Variants in EXOC6B observed in about 807,000 individuals in gnomAD.
EXOC6B encodes exocyst complex component 6B, also known as SEC15 homolog B.
EXOC6B carries 54 observed loss-of-function variants against 113.5 expected under a neutral mutation model. The ratio of observed to expected loss-of-function variants is 0.48; its 90% CI spans 0.38 to 0.60. The LOEUF is 0.60. Ranked by LOEUF, EXOC6B falls within the 20% of genes least tolerant of loss-of-function variation. The probability of loss-of-function intolerance (pLI) is 0.00; values close to 1 mark genes in which losing one functional copy is unlikely to be tolerated. For missense variants in EXOC6B, 797 were observed against 977.5 expected, an observed-to-expected ratio of 0.82 and a Z score of 2.46; for synonymous variants, 357 against 339.0, an observed-to-expected ratio of 1.05 and a Z score of -0.58.
intron 8 of EXOC6B, among the ~76,000 whole-genome samples, chr2:72,528,989 C>A (rs1229967693): frequency 1.3e-5 from 2 of 152,060 alleles, no homozygotes; most frequent in Admixed American, 6.6e-5. Flanking sequence ...AGGTTATTTG[C>A]AAATAACACA....
chr2:72,369,845 T>G (rs963039058), intron 19 of EXOC6B, among the ~76,000 whole-genome samples: 1 of 152,188 alleles, frequency 6.6e-6, no homozygotes, highest in African/African-American at 2.4e-5. Context: ...TCCTTACACC[T>G]TATACAAAAA....
intron 18 of EXOC6B, among the ~76,000 whole-genome samples, chr2:72,383,255 T>G (rs1691801428): frequency 6.6e-6 from 1 of 152,008 alleles, no homozygotes; most frequent in South Asian, 2.1e-4. Flanking sequence ...CTGGCAAAGG[T>G]CTGATGTCCA....
At chr2:72,491,122 C>T (rs770457828) in intron 16 of EXOC6B, among the ~76,000 whole-genome samples, 24 of 152,238 alleles carry the variant, frequency 1.6e-4, no homozygotes, top group Non-Finnish European at 2.9e-4. Flanking sequence ...AGGAGGTTAG[C>T]TATTTTTCAG....
intron 6 of EXOC6B, among the ~76,000 whole-genome samples, chr2:72,653,848 A>C (rs373963985): frequency 2.0e-5 from 3 of 152,174 alleles, no homozygotes; most frequent in East Asian, 1.9e-4. Context: ...GCAATGCTAC[A>C]AATGAATCTA....
rs80041689 is a variant in EXOC6B at position 72,559,178 on chromosome 2, A to G, written c.915+275T>C. On this transcript the variant is annotated intron_variant, in intron 8 of 21. Transcript: ENST00000272427. ...AAGACAGAATATTGTTATTTAAATA[A>G]CTACATTATTAAACTAAAAACAGAA... is the stretch of plus-strand genomic sequence containing the variant. Among the ~76,000 whole-genome samples, 716 of 152,318 alleles carry G rather than the reference A, an allele frequency of 4.7e-3. 4 individuals carry two copies. Among genetic ancestry groups the G allele is most frequent in the African/African-American group, 0.016 (658 of 41,562 alleles).
chr2:72,317,614 G>A (rs1687600009), intron 20 of EXOC6B, among the ~76,000 whole-genome samples: 1 of 149,902 alleles, frequency 6.7e-6, no homozygotes, highest in African/African-American at 2.5e-5. Context: ...ATTGACAAAT[G>A]ATAAGAATGA....
rs1320122078 is a variant in EXOC6B, at chr2:72,401,606, T to C, written c.1981-21736A>G. On this transcript the variant is annotated intron_variant, in intron 18 of 21. Coordinates refer to ENST00000272427, the MANE Select transcript of EXOC6B (RefSeq NM_015189.3). Reference sequence around the variant, plus strand: ...ACATATATATATATATATATATGTGTATATATATATATATACATATATATA... The same window carrying C: ...ACATATATATATATATATATATGTGCATATATATATATATACATATATATA... Among the ~76,000 whole-genome samples the C allele has an allele frequency of 6.2e-4, 14 of 22,672 alleles. 1 individual carries two copies. Among genetic ancestry groups the C allele is most frequent in the African/African-American group, 4.8e-3 (13 of 2,706 alleles). The allele number at this position is 22,672 out of a possible 152,430, so 14.9% of individuals were successfully genotyped here. A position where few individuals can be genotyped will look rare whatever the true frequency, so the allele number is the denominator to read the frequency against.
intron 20 of EXOC6B, among the ~76,000 whole-genome samples, chr2:72,204,681 T>C (rs1308803961): frequency 6.6e-6 from 1 of 152,164 alleles, no homozygotes. Flanking sequence ...GTACGCCTGC[T>C]CTGAAGCCCC....
chr2:72,226,578 C>A (rs1485866277), intron 20 of EXOC6B, among the ~76,000 whole-genome samples: 1 of 152,178 alleles, frequency 6.6e-6, no homozygotes, highest in Non-Finnish European at 1.5e-5. Flanking sequence ...TAAAGTTGTA[C>A]TCTTAATGTG....
chr2:72,697,991 G>A (rs1327217855), intron 6 of EXOC6B, among the ~76,000 whole-genome samples: 1 of 152,082 alleles, frequency 6.6e-6, no homozygotes, highest in Non-Finnish European at 1.5e-5. Context: ...TTCTATATTA[G>A]ATCAATGGCA....
At chr2:72,267,463 T>A (rs528325090) in intron 20 of EXOC6B, among the ~76,000 whole-genome samples, 1 of 152,342 alleles carries the variant, frequency 6.6e-6, no homozygotes, top group Non-Finnish European at 1.5e-5. Flanking sequence ...GTTTTTAGCA[T>A]GAAGGTTGTT....
chr2:72,515,296 G>T (rs2105686301), intron 8 of EXOC6B, 170 bp from the exon 9 acceptor site: 1 of 837,784 alleles, frequency 1.2e-6, no homozygotes, highest in Non-Finnish European at 1.8e-6. Context: ...CTATTACCAT[G>T]TATTGAACCT....
At chr2:72,477,662 A>G (rs1698830680) in intron 17 of EXOC6B, among the ~76,000 whole-genome samples, 1 of 152,258 alleles carries the variant, frequency 6.6e-6, no homozygotes, top group African/African-American at 2.4e-5. Flanking sequence ...TACAGTATTT[A>G]TGATGGCCTA....
intron 1 of EXOC6B, among the ~76,000 whole-genome samples, chr2:72,821,407 C>CT (rs1450377838): frequency 6.6e-6 from 1 of 152,080 alleles, no homozygotes; most frequent in Non-Finnish European, 1.5e-5. Context: ...GAAAAACAGT[C>CT]TAGCAGTTCC....
At chr2:72,704,622 G>A (rs377366668) in intron 6 of EXOC6B, among the ~76,000 whole-genome samples, 4 of 152,074 alleles carry the variant, frequency 2.6e-5, no homozygotes, top group African/African-American at 4.8e-5. Flanking sequence ...TCAAATAGAC[G>A]CAATAAAAAA....
intron 17 of EXOC6B, among the ~76,000 whole-genome samples, chr2:72,470,421 T>C (rs911445561): frequency 2.0e-5 from 3 of 152,186 alleles, no homozygotes; most frequent in African/African-American, 7.2e-5. Flanking sequence ...TTTTTGTATG[T>C]TGATTTTATA....
intron 19 of EXOC6B, among the ~76,000 whole-genome samples, chr2:72,356,383 C>A (rs1689971465): frequency 6.6e-6 from 1 of 152,054 alleles, no homozygotes; most frequent in East Asian, 1.9e-4. Context: ...CCAACATTAT[C>A]CAGCCAGGCA....
chr2:72,775,140 C>T (rs1410726593), intron 1 of EXOC6B, among the ~76,000 whole-genome samples: 1 of 152,104 alleles, frequency 6.6e-6, no homozygotes, highest in Admixed American at 6.5e-5. Context: ...TCTGAAACTC[C>T]TTATTGTTTA....
At chr2:72,523,406 T>A (rs1478667290) in intron 8 of EXOC6B, among the ~76,000 whole-genome samples, 1 of 152,094 alleles carries the variant, frequency 6.6e-6, no homozygotes, top group South Asian at 2.1e-4. Context: ...GGAAAAAAAA[T>A]TTATACTGAG....
Sources: gnomAD v4.1 joint callset for allele counts (sites outside exome capture counted in the v4.1 genomes callset) on GRCh38, gnomAD v4.1.1 for gene constraint, MANE v1.5 for transcripts, NCBI Gene and HGNC (gene_info 2026-07-23, HGNC 2026-07-21) for gene names.